The following RFFL variants were observed in gnomAD, a reference collection of about 807,000 sequenced individuals.
RFFL encodes ring finger and FYVE like domain containing E3 ubiquitin protein ligase.
In RFFL, 16 loss-of-function variants were observed where a neutral mutation model predicts 40.4. The observed-to-expected ratio is 0.40, with a 90% CI of 0.27 to 0.60. The LOEUF is 0.60. Among genes scored for constraint, RFFL ranks in the 20% least tolerant of loss-of-function variants. RFFL has a pLI of 0.47. For missense variants in RFFL, 367 were observed against 451.7 expected (o/e 0.81, Z 1.70); for synonymous variants, 154 against 167.9 (o/e 0.92, Z 0.64).
chr17:35,032,715 T>G (rs763507802), intron 1 of RFFL, among the ~76,000 whole-genome samples: 43 of 152,042 alleles, frequency 2.8e-4, no homozygotes, highest in Middle Eastern at 3.4e-3. Flanking sequence ...GGAGGCTGAT[T>G]AGATGGTCTG....
At chr17:35,039,152 C>A (rs751948630) in intron 1 of RFFL, among the ~76,000 whole-genome samples, 1 of 152,206 alleles carries the variant, frequency 6.6e-6, no homozygotes, top group Non-Finnish European at 1.5e-5. Flanking sequence ...AGCAATCCAC[C>A]CGCCTCAGCC....
rs1806694706 is a variant in RFFL, at chr17:35,023,387, G to A, written c.181-1606C>T. Among the ~76,000 whole-genome samples, 5 of 152,302 alleles carry A rather than the reference G, an allele frequency of 3.3e-5. No individual in the cohort carries two copies. In the South Asian group the frequency reaches 1.0e-3, roughly 32 times the overall value. ...TTTACCACCCAGTTTTGGCTATTAA[G>A]ACTTAGAAGGCATTGCAAAGGGACA... On this transcript the variant is annotated intron_variant, in intron 2 of 6. Transcript: ENST00000394597.
At chr17:35,070,067 T>C (rs1017743299) in intron 1 of RFFL, among the ~76,000 whole-genome samples, 1 of 151,274 alleles carries the variant, frequency 6.6e-6, no homozygotes, top group Non-Finnish European at 1.5e-5. Flanking sequence ...CACGCGCACG[T>C]GCAAAAGAGC....
upstream of RFFL, among the ~76,000 whole-genome samples, chr17:35,066,330 G>C (rs1380005019): frequency 2.0e-5 from 3 of 152,028 alleles, no homozygotes; most frequent in African/African-American, 7.2e-5. Context: ...AATAGATCTT[G>C]ACATTATAAA....
At chr17:35,033,594 G>A (rs545701932) in intron 1 of RFFL, among the ~76,000 whole-genome samples, 20 of 152,026 alleles carry the variant, frequency 1.3e-4, no homozygotes, top group African/African-American at 4.6e-4. Context: ...TAGGGGGTAG[G>A]TCTATTCCCG....
In RFFL at chr17:35,016,673, T is replaced by C; in HGVS notation, c.676-93A>G. On this transcript the variant is annotated intron_variant, in intron 4 of 6. Transcript: ENST00000394597. ...CAAAGCAGTCACCACATCATAATTT[T>C]GGTGACTGACCTCATGAAGGGTAGG... 4 of 995,910 alleles carry C rather than the reference T, an allele frequency of 4.0e-6. No individual in the cohort carries two copies. The South Asian group carries it at 6.0e-5, about 15-fold the overall frequency. 61.7% of individuals were successfully genotyped at this position (995,910 alleles called of 1,614,324 possible). A position where few individuals can be genotyped will look rare whatever the true frequency, so the allele number is the denominator to read the frequency against.
At position 35,014,930 on chromosome 17, in the gene RFFL, A is replaced by T. The variant is rs540737792; in HGVS notation, c.887-167T>A. The stretch of plus-strand genomic sequence containing the variant: ...CCTCTACTCGCTCTACATGCTCAGA[A>T]CTCACACAAAGCTCCTACTCGTGCA... On this transcript the variant is annotated intron_variant, in intron 5 of 6. Transcript: ENST00000394597. Among the ~76,000 whole-genome samples the T allele has an allele frequency of 3.8e-3, 576 of 152,156 alleles. 3 individuals carry two copies. The highest frequency in any genetic ancestry group is 0.013 in the African/African-American group (526 of 41,510).
At chr17:35,059,282 G>A (rs781526932) in intron 1 of RFFL, among the ~76,000 whole-genome samples, 1 of 152,074 alleles carries the variant, frequency 6.6e-6, no homozygotes, top group Admixed American at 6.5e-5. Flanking sequence ...GCCTCCCAAA[G>A]TGCTGAGATT....
intron 1 of RFFL, among the ~76,000 whole-genome samples, chr17:35,028,476 C>G (rs1183470270): frequency 6.6e-6 from 1 of 152,000 alleles, no homozygotes; most frequent in Admixed American, 6.5e-5. Context: ...GTCAGAATAA[C>G]CTAACAATTG....
chr17:35,016,841 G>A (rs991422838), intron 4 of RFFL, among the ~76,000 whole-genome samples: 1 of 152,182 alleles, frequency 6.6e-6, no homozygotes, highest in Non-Finnish European at 1.5e-5. Flanking sequence ...TAGAAGTATA[G>A]TAGAAGGAGT....
Position 35,011,408 on chromosome 17 carries a change from T to C in RFFL, c.*560A>G, listed in dbSNP as rs1346347325. 6.6e-6 allele frequency: 1 copy of C among 152,344 alleles called. No individual in the cohort carries two copies. The highest frequency in any genetic ancestry group is 2.4e-5 in the African/African-American group (1 of 41,458). 9.4% of individuals were successfully genotyped at this position (152,344 alleles called of 1,614,324 possible). ...CAAAGATAAGTTTACTGGTCTAAAATCTGTCCTAAGGACCACTATCGGTCT... is the reference window on the plus strand; with the variant it reads ...CAAAGATAAGTTTACTGGTCTAAAACCTGTCCTAAGGACCACTATCGGTCT... On this transcript the variant is annotated 3_prime_UTR_variant, in exon 7 of 7. Coordinates refer to ENST00000394597, the MANE Select transcript of RFFL (RefSeq NM_001017368.2).
intron 1 of RFFL, among the ~76,000 whole-genome samples, chr17:35,046,208 G>T (rs777628411): frequency 2.0e-5 from 3 of 152,120 alleles, no homozygotes; most frequent in Non-Finnish European, 4.4e-5. Flanking sequence ...TGTTATTACA[G>T]AAGGACAAAA....
intron 2 of RFFL, 59 bp from the exon 3 acceptor site, chr17:35,021,840 G>A: frequency 6.4e-7 from 1 of 1,553,570 alleles, no homozygotes; most frequent in South Asian, 1.1e-5. Flanking sequence ...GACAGAGAGT[G>A]CGATGGGAGC....
intron 1 of RFFL, among the ~76,000 whole-genome samples, chr17:35,063,043 A>C (rs965993858): frequency 7.2e-5 from 11 of 152,216 alleles, no homozygotes; most frequent in African/African-American, 2.7e-4. Flanking sequence ...GATACACACA[A>C]AAAAACAAAA....
At chr17:35,077,046 T>A (rs2091380846) in intron 1 of RFFL, 2 of 249,326 alleles carry the variant, frequency 8.0e-6, no homozygotes, top group Admixed American at 8.0e-5. Flanking sequence ...TGTTCTGGTT[T>A]TTAAAAATAA....
upstream of RFFL, among the ~76,000 whole-genome samples, chr17:35,064,505 T>C (rs778961706): frequency 6.6e-6 from 1 of 150,468 alleles, no homozygotes; most frequent in Non-Finnish European, 1.5e-5. Context: ...AGCTATTAAT[T>C]ACTGAATTTG....
chr17:35,082,784 C>T (rs1024590943), intron 1 of RFFL, among the ~76,000 whole-genome samples: 2 of 152,170 alleles, frequency 1.3e-5, no homozygotes, highest in Middle Eastern at 3.2e-3. Context: ...CCCTTTTAAT[C>T]CACATAACAA....
intron 1 of RFFL, among the ~76,000 whole-genome samples, chr17:35,040,919 T>G (rs886278741): frequency 7.9e-6 from 1 of 126,362 alleles, no homozygotes; most frequent in East Asian, 2.6e-4. Context: ...AGGGTCTCTC[T>G]CCAAGCTGGA....
At chr17:35,070,533 T>G (rs967177499) in intron 1 of RFFL, among the ~76,000 whole-genome samples, 6 of 152,214 alleles carry the variant, frequency 3.9e-5, no homozygotes. Flanking sequence ...GAAAAAGTTT[T>G]TAGGGCCTTT....
Sources: gnomAD v4.1 joint callset for allele counts (sites outside exome capture counted in the v4.1 genomes callset) on GRCh38, gnomAD v4.1.1 for gene constraint, MANE v1.5 for transcripts, NCBI Gene and HGNC (gene_info 2026-07-23, HGNC 2026-07-21) for gene names.